Variants in PDE4DIP observed in about 807,000 individuals in gnomAD.
PDE4DIP encodes myomegalin.
In PDE4DIP, 59 loss-of-function variants were observed where a neutral mutation model predicts 221.4. The observed-to-expected ratio is 0.27, with a 90% CI of 0.22 to 0.33. The LOEUF (loss-of-function observed/expected upper bound fraction) is 0.33, where lower values mean the gene tolerates loss of function less well. Ranked by LOEUF, PDE4DIP falls within the 10% of genes least tolerant of loss-of-function variation. PDE4DIP has a pLI of 1.00. For synonymous variants in PDE4DIP, 404 were observed against 815.9 expected (o/e 0.50, Z 8.60); for missense variants, 1,036 against 2,154.2 (o/e 0.48, Z 10.28).
chr1:148,978,614 A>T (rs587606745), intron 19 of PDE4DIP, among the ~76,000 whole-genome samples, 199 bp downstream of exon 22: 1 of 152,036 alleles, frequency 6.6e-6, no homozygotes, highest in East Asian at 1.9e-4. Context: ...ACAAGGTCTC[A>T]CTGTGTCACC....
chr1:149,030,014 T>C, intron 42 of PDE4DIP, 89 bp downstream of exon 45: 1 of 611,250 alleles, frequency 1.6e-6, no homozygotes, highest in East Asian at 3.0e-5. Flanking sequence ...CCAGGGGGGC[T>C]TGGGGATGTT....
At chr1:148,934,563 T>C (rs587641314) in intron 4 of PDE4DIP, among the ~76,000 whole-genome samples, 9 of 152,336 alleles carry the variant, frequency 5.9e-5, no homozygotes, top group Admixed American at 5.9e-4. Context: ...CTCGTCATCA[T>C]TGCAGTTTAC....
At chr1:148,946,363 G>GA (rs142880667) in intron 5 of PDE4DIP, among the ~76,000 whole-genome samples, 2 of 135,210 alleles carry the variant, frequency 1.5e-5, no homozygotes, top group African/African-American at 5.6e-5. Flanking sequence ...CATCTCTATT[G>GA]AAAAAAATAA....
rs587763850 is a variant in PDE4DIP at position 148,971,829 on chromosome 1, A to G, written c.1981-351A>G. ...AAAAGGAATCCACCCCTAAGAAGCA[A>G]CTATCCGAGAATAAAGACATTTGTT... On this transcript the variant is annotated intron_variant, in intron 14 of 43. Transcript: ENST00000369354. 6.8e-4 allele frequency among the ~76,000 whole-genome samples: 102 copies of G among 149,000 alleles called. 1 individual carries two copies. The East Asian group carries it at 0.019, about 28-fold the overall frequency.
At chr1:148,987,810 G>A (rs2062174068) in intron 21 of PDE4DIP, among the ~76,000 whole-genome samples, 1 of 152,246 alleles carries the variant, frequency 6.6e-6, no homozygotes, top group African/African-American at 2.4e-5. Flanking sequence ...GCATGCACCT[G>A]TAGTCACAGT....
exon 32 of PDE4DIP, chr1:149,012,742 G>A: frequency 6.2e-7 from 1 of 1,611,768 alleles, no homozygotes; most frequent in Non-Finnish European, 8.5e-7. Context: ...AGGCTCAGCA[G>A]GAGCTACAGA....
chr1:148,976,040 C>T (rs1423696702), intron 17 of PDE4DIP, among the ~76,000 whole-genome samples: 13 of 151,170 alleles, frequency 8.6e-5, no homozygotes, highest in African/African-American at 2.9e-4. Flanking sequence ...CCCCTAGTCC[C>T]CCTTCCTTTT....
chr1:149,010,622 C>T (rs1553604621), intron 31 of PDE4DIP, 27 bp downstream of exon 34: 6 of 1,610,114 alleles, frequency 3.7e-6, no homozygotes, highest in Non-Finnish European at 5.1e-6. Flanking sequence ...GGGGCAGAAG[C>T]TTCATCTCCT....
chr1:148,953,853 T>C, intron 5 of PDE4DIP: 8 of 1,604,600 alleles, frequency 5.0e-6, no homozygotes, highest in Non-Finnish European at 6.8e-6. Flanking sequence ...CTTTCAGACC[T>C]GCAGGAGCTG....
At chr1:148,998,496 T>G in intron 23 of PDE4DIP, 121 bp downstream of exon 26, 1 of 577,432 alleles carries the variant, frequency 1.7e-6, no homozygotes, top group Non-Finnish European at 3.1e-6. Flanking sequence ...AAGTAAGTAA[T>G]ATTGGCTAAT....
At chr1:148,877,101 G>A (rs1366448892) in intron 3 of PDE4DIP, among the ~76,000 whole-genome samples, 1 of 147,324 alleles carries the variant, frequency 6.8e-6, no homozygotes, top group Non-Finnish European at 1.5e-5. Flanking sequence ...AGTACTCAAG[G>A]TGAGGATTAT....
exon 44 of PDE4DIP, chr1:149,032,710 ATC>A (rs1389083223): frequency 4.1e-5 from 9 of 221,562 alleles, no homozygotes; most frequent in Non-Finnish European, 7.2e-5. Context: ...ACCCTATCTT[ATC>A]TCGGGGAAAT....
chr1:149,009,772 A>C (rs781853641), exon 30 of PDE4DIP: 1 of 1,601,530 alleles, frequency 6.2e-7, no homozygotes, highest in Non-Finnish European at 8.6e-7. Flanking sequence ...AAGAGAAGAA[A>C]GCTTCTCCCA....
exon 21 of PDE4DIP, chr1:148,981,310 G>A: frequency 6.2e-7 from 1 of 1,613,874 alleles, no homozygotes; most frequent in Non-Finnish European, 8.5e-7. Flanking sequence ...ACTGGAAGGG[G>A]CTCAGGTGTT....
At chr1:149,020,945 A>G (rs2072607192) in intron 36 of PDE4DIP, 84 bp from the exon 40 acceptor site, 1 of 828,216 alleles carries the variant, frequency 1.2e-6, no homozygotes, top group Non-Finnish European at 1.9e-6. Context: ...TGACCCTCTG[A>G]GTTGACATCT....
At chr1:149,029,551 C>T (rs112283184) in intron 41 of PDE4DIP, among the ~76,000 whole-genome samples, 2,722 of 152,198 alleles carry the variant, frequency 0.018, 72 homozygotes, top group African/African-American at 0.063. Flanking sequence ...TCTTAAGCTA[C>T]AGGTGTGTAG....
intron 1 of PDE4DIP, among the ~76,000 whole-genome samples, chr1:148,820,849 A>G (rs1470431382): frequency 3.8e-5 from 5 of 133,104 alleles, no homozygotes; most frequent in Non-Finnish European, 8.1e-5. Flanking sequence ...TTATTTATTT[A>G]TTTATTTATT....
At chr1:148,923,667 G>T (rs1169419268) in intron 1 of PDE4DIP, among the ~76,000 whole-genome samples, 1 of 144,906 alleles carries the variant, frequency 6.9e-6, no homozygotes, top group Non-Finnish European at 1.5e-5. Flanking sequence ...TAGAGACGGG[G>T]TTTCACCGTG....
At chr1:148,992,875 A>G (rs1164243501) in intron 22 of PDE4DIP, 2 of 1,060,006 alleles carry the variant, frequency 1.9e-6, no homozygotes, top group East Asian at 5.2e-5. Flanking sequence ...GTCTGCCTGT[A>G]TGTCTTCTGC....
Sources: allele counts gnomAD v4.1 joint callset (sites outside exome capture counted in the v4.1 genomes callset), GRCh38; gene constraint gnomAD v4.1.1; transcripts MANE v1.5; gene names NCBI Gene and HGNC (gene_info 2026-07-23, HGNC 2026-07-21).